Variants in HECW2 observed in about 807,000 individuals in gnomAD.
The protein encoded by HECW2 is HECT, C2 and WW domain containing E3 ubiquitin protein ligase 2.
HECW2 carries 61 observed loss-of-function variants against 175.2 expected under a neutral mutation model. The observed-to-expected ratio is 0.35, with a 90% CI of 0.28 to 0.43. The LOEUF is 0.43. Among genes scored for constraint, HECW2 ranks in the 20% least tolerant of loss-of-function variants. The pLI is 1.00. For missense variants in HECW2, 1,524 were observed against 2,000.5 expected (o/e 0.76, Z 4.54); for synonymous variants, 671 against 731.0 (o/e 0.92, Z 1.32).
rs10653412 is a variant in HECW2, at chr2:196,231,092, C to CAAAAAAAAAAAAAAAAAAAAAAAAA, written c.3765-2839_3765-2838insTTTTTTTTTTTTTTTTTTTTTTTTT. ...CTGGCGACAGAGCAGGACTCCGTCT[C>CAAAAAAAAAAAAAAAAAAAAAAAAA]AAAAAAAAAAAAAAAAAAAAAAAAG... On this transcript the variant is annotated intron_variant, in intron 21 of 28. Coordinates refer to ENST00000644978, the MANE Select transcript of HECW2 (RefSeq NM_001348768.2). Among the ~76,000 whole-genome samples the CAAAAAAAAAAAAAAAAAAAAAAAAA allele has an allele frequency of 3.6e-5, 2 of 55,338 alleles. 1 individual carries two copies. Among genetic ancestry groups the CAAAAAAAAAAAAAAAAAAAAAAAAA allele is most frequent in the Non-Finnish European group, 5.9e-5 (2 of 33,948 alleles). 36.3% of individuals were successfully genotyped at this position (55,338 alleles called of 152,430 possible). A position where few individuals can be genotyped will look rare whatever the true frequency, so the allele number is the denominator to read the frequency against.
chr2:196,297,063 A>G (rs1020476611), intron 13 of HECW2, among the ~76,000 whole-genome samples: 1 of 152,216 alleles, frequency 6.6e-6, no homozygotes, highest in Admixed American at 6.5e-5. Flanking sequence ...TACCTATTTC[A>G]TAACATAGTC....
At chr2:196,436,261 C>A (rs1261537792) in intron 1 of HECW2, among the ~76,000 whole-genome samples, 1 of 151,982 alleles carries the variant, frequency 6.6e-6, no homozygotes, top group African/African-American at 2.4e-5. Flanking sequence ...ATTAGCCAGG[C>A]GTGGTGGCGG....
chr2:196,394,723 TAA>T (rs945888872), intron 2 of HECW2, among the ~76,000 whole-genome samples: 4 of 152,206 alleles, frequency 2.6e-5, no homozygotes, highest in Non-Finnish European at 5.9e-5. Context: ...ATATTACTTC[TAA>T]AAATGTCTGC....
chr2:196,462,399 T>C (rs1008837392), intron 1 of HECW2, among the ~76,000 whole-genome samples: 3 of 152,186 alleles, frequency 2.0e-5, no homozygotes, highest in Admixed American at 1.3e-4. Context: ...CATATTTTTC[T>C]TCAATGCAAA....
chr2:196,272,645 T>C (rs1386741663), intron 16 of HECW2, among the ~76,000 whole-genome samples: 1 of 152,176 alleles, frequency 6.6e-6, no homozygotes, highest in Non-Finnish European at 1.5e-5. Context: ...TCTATTTTAG[T>C]TATGTATATT....
intron 1 of HECW2, among the ~76,000 whole-genome samples, chr2:196,564,087 T>C (rs1346432068): frequency 1.3e-5 from 2 of 152,220 alleles, no homozygotes; most frequent in Admixed American, 6.5e-5. Flanking sequence ...GCAGACATCC[T>C]GTGCCTTCTG....
At chr2:196,422,722 A>G (rs1004237065) in intron 2 of HECW2, among the ~76,000 whole-genome samples, 17 of 152,184 alleles carry the variant, frequency 1.1e-4, no homozygotes, top group African/African-American at 3.6e-4. Context: ...ACATGTTCAA[A>G]GCTCTTACTT....
At chr2:196,292,476 G>T in intron 14 of HECW2, 89 bp downstream of exon 14, 1 of 1,077,926 alleles carries the variant, frequency 9.3e-7, no homozygotes, top group Non-Finnish European at 1.4e-6. Context: ...AAAGAGCCTT[G>T]GCCCTCACTT....
At chr2:196,337,217 C>T (rs989789592) in intron 3 of HECW2, among the ~76,000 whole-genome samples, 4 of 151,838 alleles carry the variant, frequency 2.6e-5, no homozygotes, top group Non-Finnish European at 4.4e-5. Flanking sequence ...GAAGAGGTAA[C>T]GGAAGAATGC....
chr2:196,212,892 A>C (rs920757878), intron 28 of HECW2, among the ~76,000 whole-genome samples: 1 of 152,228 alleles, frequency 6.6e-6, no homozygotes, highest in African/African-American at 2.4e-5. Context: ...TTTAAATGTT[A>C]AACATCATTT....
chr2:196,503,790 CA>C (rs1559146966), intron 1 of HECW2, among the ~76,000 whole-genome samples: 1 of 152,172 alleles, frequency 6.6e-6, no homozygotes, highest in African/African-American at 2.4e-5. Flanking sequence ...AACACAAACA[CA>C]AAAGTTTCAA....
chr2:196,390,148 T>G (rs1694463499), intron 2 of HECW2, among the ~76,000 whole-genome samples: 1 of 152,148 alleles, frequency 6.6e-6, no homozygotes, highest in Admixed American at 6.6e-5. Context: ...CTCCATGAGG[T>G]AGACCCTATT....
At chr2:196,274,815 A>C in intron 15 of HECW2, among the ~76,000 whole-genome samples, 1 of 152,374 alleles carries the variant, frequency 6.6e-6, no homozygotes, top group South Asian at 2.1e-4. Context: ...ACACAAGTAG[A>C]TAACCAAAAA....
At position 196,307,133 on chromosome 2, in the gene HECW2, C is replaced by T. The variant is rs1440602780; in HGVS notation, c.2686G>A (p.Ala896Thr). Residue 896 changes from alanine (A) to threonine (T), a missense_variant, in exon 12 of 29, where the codon GCA becomes ACA. Around this residue, in one of 11 missense-constraint regions of HECW2, gnomAD observed 105 missense variants for 98.1 expected, o/e 1.07. Coordinates refer to ENST00000644978, the MANE Select transcript of HECW2 (RefSeq NM_001348768.2). ...GEEADFHQAS[A>T]DFRRENILPH... ...AAACAAAGCCCAAAGCTCTTACCTG[C>T]ACTGGCTTGGTGAAAGTCAGCTTCC... The T allele has an allele frequency of 4.4e-6, 7 of 1,606,530 alleles. No individual in the cohort carries two copies. The Admixed American group carries it at 1.0e-4, about 23-fold the overall frequency.
At chr2:196,339,961 G>T (rs1692686834) in intron 3 of HECW2, among the ~76,000 whole-genome samples, 1 of 151,976 alleles carries the variant, frequency 6.6e-6, no homozygotes. Context: ...CCTCCTCTGG[G>T]GATTTATCCA....
intron 2 of HECW2, among the ~76,000 whole-genome samples, chr2:196,410,142 G>GA (rs1410103776): frequency 7.9e-5 from 12 of 151,966 alleles, no homozygotes; most frequent in East Asian, 1.9e-4. Context: ...GTTTCATCCT[G>GA]AAAAAAAATG....
chr2:196,414,717 C>A (rs577372470), intron 2 of HECW2, among the ~76,000 whole-genome samples: 2 of 152,276 alleles, frequency 1.3e-5, no homozygotes, highest in East Asian at 1.9e-4. Context: ...TCCTTTCCAG[C>A]AGGAGTAACA....
intron 1 of HECW2, among the ~76,000 whole-genome samples, chr2:196,470,796 C>T (rs984740134): frequency 6.6e-6 from 1 of 151,958 alleles, no homozygotes; most frequent in Non-Finnish European, 1.5e-5. Context: ...TAAAAGACAA[C>T]ATTTTTTAAA....
intron 1 of HECW2, among the ~76,000 whole-genome samples, chr2:196,553,515 T>C: frequency 6.6e-6 from 1 of 152,194 alleles, no homozygotes; most frequent in Non-Finnish European, 1.5e-5. Flanking sequence ...AGCAGAGCAT[T>C]ACAAATGGTA....
Sources: gnomAD v4.1 joint callset for allele counts (sites outside exome capture counted in the v4.1 genomes callset) on GRCh38, gnomAD v4.1.1 for gene constraint, gnomAD v4.1.1 regional missense constraint, MANE v1.5 for transcripts, NCBI Gene and HGNC (gene_info 2026-07-23, HGNC 2026-07-21) for gene names.